SRFBP1: variants seen among roughly 807,000 people sequenced by gnomAD.
The protein encoded by SRFBP1 is serum response factor-binding protein 1.
Under a neutral mutation model 45.5 loss-of-function variants are expected in SRFBP1, and 47 were observed. The observed-to-expected ratio is 1.03, with a 90% confidence interval of 0.82 to 1.32. The LOEUF (loss-of-function observed/expected upper bound fraction) is 1.32. Ranked by LOEUF, SRFBP1 falls within the 40% of genes most tolerant of loss-of-function variation. SRFBP1 has a pLI of 0.00. For missense variants in SRFBP1, 621 were observed against 484.6 expected (o/e 1.28, Z -2.64); for synonymous variants, 203 against 166.3 (o/e 1.22, Z -1.70).
At chr5:122,012,142 TAGA>T (rs1753108964) in intron 4 of SRFBP1, among the ~76,000 whole-genome samples, 1 of 152,086 alleles carries the variant, frequency 6.6e-6, no homozygotes, top group Admixed American at 6.5e-5. Flanking sequence ...AAATCAAGCC[TAGA>T]AGGTTAGTCT....
intron 1 of SRFBP1, among the ~76,000 whole-genome samples, chr5:121,965,172 G>C (rs1030163688): frequency 2.6e-5 from 4 of 152,164 alleles, no homozygotes; most frequent in African/African-American, 9.7e-5. Flanking sequence ...TGCTTTTGCT[G>C]TGAAGAAGCT....
At chr5:121,996,770 G>A (rs1390512662) in intron 4 of SRFBP1, among the ~76,000 whole-genome samples, 7 of 111,466 alleles carry the variant, frequency 6.3e-5, no homozygotes, top group East Asian at 3.1e-4. Flanking sequence ...AAACCCCATT[G>A]TCTCAGCCCA....
chr5:122,065,179 G>A (rs775549611), intron 2 of SRFBP1: 7 of 152,048 alleles, frequency 4.6e-5, no homozygotes, highest in Non-Finnish European at 8.8e-5. Flanking sequence ...ATATCCGCCA[G>A]TTGATGACTG....
intron 5 of SRFBP1, 95 bp from the exon 6 acceptor site, chr5:122,019,993 A>C: frequency 1.2e-6 from 1 of 805,556 alleles, no homozygotes; most frequent in East Asian, 2.9e-5. Context: ...TGCCCTCTTA[A>C]ATCTTTTCAA....
At position 122,013,267 on chromosome 5, in the gene SRFBP1, G is replaced by A. The variant is rs567538633; in HGVS notation, c.271-5993G>A. Among the ~76,000 whole-genome samples the A allele has an allele frequency of 7.9e-5, 12 of 152,084 alleles. No individual in the cohort carries two copies. In the East Asian group the frequency reaches 1.7e-3, roughly 22 times the overall value. On this transcript the variant is annotated intron_variant, in intron 4 of 7. Transcript: ENST00000339397. ...CATTTTTCATATTTCAATATAACAA[G>A]TAGTTCATTCTCTAAGATGTTTGGC...
Position 122,060,042 on chromosome 5 carries a change from A to G in SRFBP1, n.312-15273A>G, listed in dbSNP as rs1489440566. On this transcript the variant is annotated intron_variant and non_coding_transcript_variant, in intron 2 of 2. Coordinates refer to the SRFBP1 transcript ENST00000504881. ...TTGGATCTTCTCTCACTTGTTAAGA[A>G]TGGGCTTTCCTCCTAAAATGCCCTA... 2.0e-5 allele frequency among the ~76,000 whole-genome samples: 3 copies of G among 152,102 alleles called. No individual in the cohort carries two copies. The East Asian group carries it at 5.8e-4, about 29-fold the overall frequency.
At chr5:122,071,804 C>T (rs1580561404) in intron 2 of SRFBP1, among the ~76,000 whole-genome samples, 1 of 152,146 alleles carries the variant, frequency 6.6e-6, no homozygotes, top group East Asian at 1.9e-4. Context: ...GTAAAATCAC[C>T]TTAGCATGCT....
chr5:122,063,049 A>G (rs979851132), intron 2 of SRFBP1: 1 of 151,986 alleles, frequency 6.6e-6, no homozygotes, highest in Non-Finnish European at 1.5e-5. Flanking sequence ...TATCCATCAT[A>G]GACAAATTTC....
At chr5:122,009,653 C>T (rs1001999714) in intron 4 of SRFBP1, among the ~76,000 whole-genome samples, 1 of 152,060 alleles carries the variant, frequency 6.6e-6, no homozygotes, top group African/African-American at 2.4e-5. Flanking sequence ...AAATGACTGT[C>T]CTGTGTATGT....
intron 2 of SRFBP1, among the ~76,000 whole-genome samples, chr5:122,035,289 C>A (rs1753674783): frequency 6.6e-6 from 1 of 152,182 alleles, no homozygotes; most frequent in African/African-American, 2.4e-5. Flanking sequence ...TCCCATCTTT[C>A]TCCTGAGTGT....
At chr5:122,017,478 G>A (rs969208510) in intron 4 of SRFBP1, among the ~76,000 whole-genome samples, 5 of 151,970 alleles carry the variant, frequency 3.3e-5, no homozygotes, top group African/African-American at 4.8e-5. Flanking sequence ...AGTCTTACTG[G>A]GCTTAAGACC....
In SRFBP1 at chr5:121,973,959, G is replaced by C. The variant is rs558962391; in HGVS notation, c.37-237G>C. Among the ~76,000 whole-genome samples, 4 of 151,842 alleles carry C rather than the reference G, an allele frequency of 2.6e-5. No individual in the cohort carries two copies. The East Asian group carries it at 7.7e-4, about 29-fold the overall frequency. ...TAAAATACTTATCTCGGGTAATACT[G>C]TGACTTTTTAAAAAATTATAACTTG... On this transcript the variant is annotated intron_variant, in intron 1 of 7. Coordinates refer to ENST00000339397, the MANE Select transcript of SRFBP1 (RefSeq NM_152546.3).
exon 3 of SRFBP1, chr5:122,075,368 G>T (rs1424590576): frequency 6.5e-7 from 1 of 1,540,242 alleles, no homozygotes; most frequent in East Asian, 2.3e-5. Flanking sequence ...GAAATGAAAA[G>T]CAACCCAAAA....
At chr5:122,077,903 T>G (rs1754691081), downstream of SRFBP1, 1 of 1,517,148 alleles carries the variant, frequency 6.6e-7, no homozygotes, top group South Asian at 1.3e-5. The surrounding 1 kb of genome is among the most constrained non-coding windows in gnomAD (Gnocchi z 4.9). Flanking sequence ...GGGCTGCTGT[T>G]GGCCGGCGGC....
intron 2 of SRFBP1, among the ~76,000 whole-genome samples, chr5:122,062,497 C>A (rs181724956): frequency 1.3e-4 from 20 of 152,104 alleles, no homozygotes; most frequent in African/African-American, 4.1e-4. Flanking sequence ...GTGCTTGAAA[C>A]ACTGTATGCT....
intron 2 of SRFBP1, among the ~76,000 whole-genome samples, chr5:122,053,191 T>C (rs1049592508): frequency 2.6e-5 from 4 of 152,022 alleles, no homozygotes; most frequent in African/African-American, 9.7e-5. Context: ...GGTCACAGAG[T>C]TCAGGTGGAA....
At chr5:122,026,288 T>C (rs1456814838) in intron 7 of SRFBP1, among the ~76,000 whole-genome samples, 1 of 152,232 alleles carries the variant, frequency 6.6e-6, no homozygotes, top group East Asian at 1.9e-4. Flanking sequence ...AAATAAGACT[T>C]GGTTCAAAAT....
intron 2 of SRFBP1, among the ~76,000 whole-genome samples, chr5:122,036,689 A>G (rs890809423): frequency 6.6e-6 from 1 of 152,154 alleles, no homozygotes; most frequent in African/African-American, 2.4e-5. Flanking sequence ...CTGGTTGACA[A>G]CATTAGTACA....
At chr5:121,965,492 A>G (rs562339673) in intron 1 of SRFBP1, among the ~76,000 whole-genome samples, 1 of 152,130 alleles carries the variant, frequency 6.6e-6, no homozygotes, top group Non-Finnish European at 1.5e-5. Context: ...CAAAGATCAG[A>G]TGTTTGTAGA....
Sources: gnomAD v4.1 joint callset for allele counts (sites outside exome capture counted in the v4.1 genomes callset) on GRCh38, gnomAD v4.1.1 for gene constraint, Gnocchi (gnomAD v3.1) non-coding constraint, MANE v1.5 for transcripts, NCBI Gene and HGNC (gene_info 2026-07-23, HGNC 2026-07-21) for gene names.